VEPH1: variants seen among roughly 807,000 people sequenced by gnomAD.
The protein encoded by VEPH1 is ventricular zone-expressed PH domain-containing protein homolog 1.
A neutral mutation model predicts 85.2 loss-of-function variants in VEPH1; 80 were observed. The observed-to-expected ratio is 0.94, with a 90% confidence interval of 0.78 to 1.13. The LOEUF is 1.13. VEPH1 is among the 50% of genes most tolerant of loss of function. The pLI is 0.00. For missense variants in VEPH1, 955 were observed against 980.5 expected, an observed-to-expected ratio of 0.97 and a Z score of 0.35; for synonymous variants, 297 against 348.0, an observed-to-expected ratio of 0.85 and a Z score of 1.63.
intron 9 of VEPH1, among the ~76,000 whole-genome samples, chr3:157,322,410 T>C (rs1438311979): frequency 1.3e-5 from 2 of 152,240 alleles, no homozygotes; most frequent in East Asian, 3.8e-4. Flanking sequence ...TGAATAATGC[T>C]ACTATGAACA....
intron 12 of VEPH1, among the ~76,000 whole-genome samples, chr3:157,266,476 T>G (rs781218650): frequency 9.2e-5 from 14 of 152,186 alleles, no homozygotes; most frequent in Non-Finnish European, 1.8e-4. Context: ...GATTATCATT[T>G]GTAGATAGAT....
At chr3:157,318,584 G>A (rs1721005045) in intron 9 of VEPH1, among the ~76,000 whole-genome samples, 1 of 149,150 alleles carries the variant, frequency 6.7e-6, no homozygotes, top group African/African-American at 2.5e-5. Context: ...TCTAGCCTGG[G>A]CAACAGAGAA....
At chr3:157,385,689 A>C (rs1326447302) in intron 6 of VEPH1, among the ~76,000 whole-genome samples, 1 of 152,200 alleles carries the variant, frequency 6.6e-6, no homozygotes, top group Non-Finnish European at 1.5e-5. Context: ...AAGTTAGAAA[A>C]GGGAAGACTA....
intron 2 of VEPH1, chr3:157,493,193 C>T (rs577089477): frequency 7.4e-4 from 334 of 452,136 alleles, no homozygotes; most frequent in Non-Finnish European, 1.1e-3. Context: ...CCACCATATT[C>T]GCATCATTGC....
intron 9 of VEPH1, among the ~76,000 whole-genome samples, chr3:157,345,165 A>C (rs1724069345): frequency 2.0e-5 from 3 of 152,254 alleles, no homozygotes; most frequent in Non-Finnish European, 4.4e-5. Context: ...ACAAAAGCCA[A>C]AATTGACAAA....
chr3:157,460,231 G>T lies in VEPH1; in HGVS notation c.479C>A (p.Ala160Glu). Residue 160 changes from alanine (A) to glutamate (E), a missense_variant, in exon 4 of 14, where the codon GCA becomes GAA. Transcript: ENST00000362010. ...TTCCGTGTGATCAGCCAGGAGATCT[G>T]CCTTGGTAATTGCAGCCAGAGACAG... ...NYLSLAAITK[A>E]DLLADHTEVI... 6.2e-7 allele frequency: 1 copy of T among 1,614,150 alleles called. No individual in the cohort carries two copies. Among genetic ancestry groups the T allele is most frequent in the Non-Finnish European group, 8.5e-7 (1 of 1,180,032 alleles).
intron 4 of VEPH1, among the ~76,000 whole-genome samples, chr3:157,445,915 TAAA>T (rs571067304): frequency 6.6e-6 from 1 of 152,040 alleles, no homozygotes; most frequent in African/African-American, 2.4e-5. Flanking sequence ...ATATCTGACT[TAAA>T]AAAACAACAA....
chr3:157,468,684 TG>T (rs1349547005), intron 3 of VEPH1, among the ~76,000 whole-genome samples: 1 of 152,136 alleles, frequency 6.6e-6, no homozygotes, highest in East Asian at 1.9e-4. Flanking sequence ...TTGGATATAA[TG>T]GGTTGAAGAA....
intron 6 of VEPH1, among the ~76,000 whole-genome samples, chr3:157,398,583 A>G (rs1330484413): frequency 2.6e-5 from 4 of 151,906 alleles, no homozygotes; most frequent in Non-Finnish European, 5.9e-5. Flanking sequence ...GCAGTGAGCC[A>G]AGATCACGCC....
At chr3:157,283,411 A>T (rs1446102590) in intron 12 of VEPH1, among the ~76,000 whole-genome samples, 2 of 152,270 alleles carry the variant, frequency 1.3e-5, no homozygotes, top group African/African-American at 4.8e-5. Flanking sequence ...TTAGAGTGAT[A>T]AATGCTAACA....
chr3:157,447,944 G>A (rs2109284745), intron 4 of VEPH1, among the ~76,000 whole-genome samples: 1 of 152,034 alleles, frequency 6.6e-6, no homozygotes, highest in Non-Finnish European at 1.5e-5. Flanking sequence ...TACTCAATTG[G>A]TGATGACAAA....
intron 5 of VEPH1, among the ~76,000 whole-genome samples, chr3:157,425,902 G>C (rs7626481): frequency 0.028 from 4,274 of 152,180 alleles, 218 homozygotes; most frequent in African/African-American, 0.098. Context: ...GTTATGGGAG[G>C]GACGCAGTGG....
chr3:157,466,238 A>G (rs1254280934), intron 3 of VEPH1, among the ~76,000 whole-genome samples: 1 of 152,148 alleles, frequency 6.6e-6, no homozygotes, highest in Non-Finnish European at 1.5e-5. Context: ...GGCCAACTCC[A>G]TATAGATATC....
intron 2 of VEPH1, among the ~76,000 whole-genome samples, chr3:157,478,362 C>A (rs1223622287): frequency 6.6e-6 from 1 of 152,116 alleles, no homozygotes; most frequent in African/African-American, 2.4e-5. Context: ...TCAGAGCACT[C>A]CCCTATAAAT....
chr3:157,388,280 G>A (rs1729513147), intron 6 of VEPH1, among the ~76,000 whole-genome samples: 1 of 152,078 alleles, frequency 6.6e-6, no homozygotes, highest in Non-Finnish European at 1.5e-5. Context: ...ACTGCCTGGG[G>A]GCGTATTTAT....
At chr3:157,492,058 G>T (rs552742844) in intron 2 of VEPH1, among the ~76,000 whole-genome samples, 1 of 152,114 alleles carries the variant, frequency 6.6e-6, no homozygotes, top group Non-Finnish European at 1.5e-5. Flanking sequence ...AAACAAGATT[G>T]TCCTTTGAGG....
intron 4 of VEPH1, chr3:157,437,027 A>C: frequency 6.2e-7 from 1 of 1,614,148 alleles, no homozygotes. Context: ...GAATTTGGAC[A>C]ACGAAATAGA....
intron 11 of VEPH1, among the ~76,000 whole-genome samples, chr3:157,297,267 C>T (rs759344030): frequency 6.6e-6 from 1 of 152,148 alleles, no homozygotes; most frequent in Non-Finnish European, 1.5e-5. Flanking sequence ...GCCTGAGAAA[C>T]ATATTTAGTT....
At chr3:157,389,755 A>G (rs529887107) in intron 6 of VEPH1, among the ~76,000 whole-genome samples, 1 of 152,302 alleles carries the variant, frequency 6.6e-6, no homozygotes, top group African/African-American at 2.4e-5. Context: ...GATCTTCTGT[A>G]AAAGGAAAAA....
Sources: allele counts gnomAD v4.1 joint callset (sites outside exome capture counted in the v4.1 genomes callset), GRCh38; gene constraint gnomAD v4.1.1; transcripts MANE v1.5; gene names NCBI Gene and HGNC (gene_info 2026-07-23, HGNC 2026-07-21).